The following CACNA1H variants were observed in gnomAD, a reference collection of about 807,000 sequenced individuals.
CACNA1H encodes voltage-dependent T-type calcium channel subunit alpha-1H.
In CACNA1H, 149 loss-of-function variants were observed where a neutral mutation model predicts 192.5. That is an observed-to-expected ratio of 0.77 (90% confidence interval 0.68 to 0.89). CACNA1H has a LOEUF of 0.89. Among genes scored for constraint, CACNA1H ranks in the 40% least tolerant of loss-of-function variants. CACNA1H has a pLI of 0.00. For synonymous variants in CACNA1H, 2,202 were observed against 1,475.2 expected (o/e 1.49, Z -11.29); for missense variants, 4,257 against 3,423.5 (o/e 1.24, Z -6.08).
chr16:1,156,395 CAGAG>C (rs1962392268), intron 2 of CACNA1H, among the ~76,000 whole-genome samples: 1 of 152,220 alleles, frequency 6.6e-6, no homozygotes, highest in Non-Finnish European at 1.5e-5. Flanking sequence ...GTCCTGGCGT[CAGAG>C]AGAACCTAAA....
intron 2 of CACNA1H, among the ~76,000 whole-genome samples, chr16:1,168,598 C>T (rs774283445): frequency 6.6e-6 from 1 of 152,016 alleles, no homozygotes; most frequent in African/African-American, 2.4e-5. Flanking sequence ...GGTTGATGAT[C>T]CAGTGTGTCT....
chr16:1,181,692 C>G (rs1043120120), intron 2 of CACNA1H, among the ~76,000 whole-genome samples: 1 of 152,202 alleles, frequency 6.6e-6, no homozygotes, highest in Non-Finnish European at 1.5e-5. Context: ...AGGGAGCTGT[C>G]CGCGTGTGCT....
chr16:1,203,275 G>A (rs1447678578), intron 9 of CACNA1H, among the ~76,000 whole-genome samples: 1 of 152,212 alleles, frequency 6.6e-6, no homozygotes, highest in African/African-American at 2.4e-5. Context: ...AGGACGGCTC[G>A]ATGGTCATTT....
chr16:1,209,256 C>A lies in CACNA1H; in HGVS notation c.3588C>A (p.Ala1196=), dbSNP rs763743430. Residue 1196 remains alanine (A), a synonymous_variant, in exon 17 of 35, where the codon GCC becomes GCA. Transcript: ENST00000348261. ...PGPRATPLRR[A]ESLDPRPLRP... is the part of the protein sequence containing the mutation. ...CCCGTGCCACCCCACTGCGGCGGGC[C>A]GAGTCCCTGGACCCACGGCCCCTGC... 3 of 1,546,432 alleles carry A rather than the reference C, an allele frequency of 1.9e-6. No homozygotes were observed. Among genetic ancestry groups the A allele is most frequent in the Non-Finnish European group, 1.7e-6 (2 of 1,149,248 alleles).
In CACNA1H at chr16:1,211,469, G is replaced by A. The variant is rs1306171461; in HGVS notation, c.4351-12G>A. ...GGCCAGGCCCTCCGCGGTGACCGTC[G>A]CACCCCGTCAGCTCTTCAAAGGGAA... On this transcript the variant is annotated splice_polypyrimidine_tract_variant and intron_variant, in intron 22 of 34. Transcript: ENST00000348261. 2.5e-6 allele frequency: 4 copies of A among 1,612,336 alleles called. No homozygotes were observed. Among genetic ancestry groups the A allele is most frequent in the Non-Finnish European group, 3.4e-6 (4 of 1,179,640 alleles).
At chr16:1,175,982 C>G (rs1484527426) in intron 2 of CACNA1H, among the ~76,000 whole-genome samples, 2 of 152,216 alleles carry the variant, frequency 1.3e-5, no homozygotes, top group Non-Finnish European at 2.9e-5. Context: ...GGCTGCCATG[C>G]TCCCAGGACA....
intron 2 of CACNA1H, among the ~76,000 whole-genome samples, chr16:1,187,274 G>A (rs1432716637): frequency 6.6e-6 from 1 of 152,244 alleles, no homozygotes; most frequent in Non-Finnish European, 1.5e-5. Context: ...CCTCAGCCTT[G>A]GCACCCTCTA....
At chr16:1,169,509 G>T (rs1228957263) in intron 2 of CACNA1H, among the ~76,000 whole-genome samples, 1 of 152,230 alleles carries the variant, frequency 6.6e-6, no homozygotes, top group Non-Finnish European at 1.5e-5. Context: ...CGGGCACAGC[G>T]CGTGTCTCGG....
At position 1,220,039 on chromosome 16, in the gene CACNA1H, A is replaced by T; in HGVS notation, c.6107A>T (p.Asp2036Val). The change falls in exon 35 of 35, where the codon GAT (aspartate) becomes GTT (valine). Residue 2036 changes from aspartate to valine, a missense_variant. By Grantham distance (152) the Asp-to-Val change is radical. Coordinates refer to ENST00000348261, the MANE Select transcript of CACNA1H (RefSeq NM_021098.3). ...GKIDSPRDTL[D>V]PAEPGEKTPV... The stretch of plus-strand genomic sequence containing the variant: ...ATTGACAGCCCTAGGGACACCCTGG[A>T]TCCTGCAGAGCCTGGTGAGAAAACC... The T allele has an allele frequency of 7.1e-7, 1 of 1,417,190 alleles. No homozygotes were observed. 87.8% of individuals were successfully genotyped at this position (1,417,190 alleles called of 1,614,324 possible).
At chr16:1,196,285 G>A (rs1966962165) in intron 5 of CACNA1H, among the ~76,000 whole-genome samples, 2 of 152,278 alleles carry the variant, frequency 1.3e-5, no homozygotes, top group East Asian at 1.9e-4. Context: ...AGTGACAGGG[G>A]CCACTCCGAA....
intron 3 of CACNA1H, 52 bp downstream of exon 3, chr16:1,195,135 A>G: frequency 2.2e-6 from 1 of 445,412 alleles, no homozygotes. Context: ...TACGAGGTTT[A>G]TGGTTCAAGG....
Position 1,213,806 on chromosome 16 carries a change from G to T in CACNA1H, c.4804G>T (p.Asp1602Tyr). 2 of 1,574,336 alleles carry T rather than the reference G, an allele frequency of 1.3e-6. No homozygotes were observed. The highest frequency in any genetic ancestry group is 1.7e-6 in the Non-Finnish European group (2 of 1,162,074). The change falls in exon 27 of 35, where the codon GAC becomes TAC. Residue 1602 changes from aspartate to tyrosine, a missense_variant. Transcript: ENST00000348261. ...GGCCCAGCGCCGGCCCTACTATGCC[G>T]ACTACTCGCCCACGCGCCGCTCCAT... ...PEAQRRPYYA[D>Y]YSPTRRSIHS...
At chr16:1,197,765 G>A (rs1967163025) in intron 5 of CACNA1H, among the ~76,000 whole-genome samples, 1 of 152,308 alleles carries the variant, frequency 6.6e-6, no homozygotes, top group East Asian at 1.9e-4. Flanking sequence ...TGGGTGCTGG[G>A]TGAGAACTCA....
In CACNA1H at chr16:1,162,487, C is replaced by T. The variant is rs144896494; in HGVS notation, c.299+8451C>T. Among the ~76,000 whole-genome samples, 448 of 152,332 alleles carry T rather than the reference C, an allele frequency of 2.9e-3. 2 individuals carry two copies. The highest frequency in any genetic ancestry group is 0.01 in the African/African-American group (418 of 41,578). Reference sequence around the variant, plus strand: ...GGTCGCCCACTGTTGTCAGGCTCCTCCGATGAGGAGCAGCCCCCAGAGAGA... The same window carrying T: ...GGTCGCCCACTGTTGTCAGGCTCCTTCGATGAGGAGCAGCCCCCAGAGAGA... On this transcript the variant is annotated intron_variant, in intron 2 of 34. Transcript: ENST00000348261.
chr16:1,219,225 AGGC>A, intron 34 of CACNA1H, 95 bp downstream of exon 34: 1 of 1,250,778 alleles, frequency 8.0e-7, no homozygotes, highest in Non-Finnish European at 1.1e-6. Flanking sequence ...GACGAGGACA[AGGC>A]AGGAGGAGGG....
intron 2 of CACNA1H, chr16:1,157,087 C>G (rs1962519879): frequency 6.6e-6 from 1 of 152,216 alleles, no homozygotes; most frequent in African/African-American, 2.4e-5. Context: ...GGGTTCCTGA[C>G]TCCGCGTTCG....
intron 2 of CACNA1H, among the ~76,000 whole-genome samples, chr16:1,163,101 G>C (rs927994655): frequency 2.0e-5 from 3 of 152,264 alleles, no homozygotes; most frequent in Non-Finnish European, 4.4e-5. Flanking sequence ...TTCTGGGCAG[G>C]TGAGGCAGCC....
rs975461691 is a variant in CACNA1H at position 1,167,330 on chromosome 16, G to A, written c.299+13294G>A. ...CCTTGGATTCCTGACACACGGGTGC[G>A]GGGGCGATATCGGCGCGGAGCGGGC... On this transcript the variant is annotated intron_variant, in intron 2 of 34. Coordinates refer to ENST00000348261, the MANE Select transcript of CACNA1H (RefSeq NM_021098.3). This position sits in a 1 kb window ranked among gnomAD's most constrained non-coding sequence, Gnocchi z 4.2. Among the ~76,000 whole-genome samples, 9 of 152,176 alleles carry A rather than the reference G, an allele frequency of 5.9e-5. No homozygotes were observed. The highest frequency in any genetic ancestry group is 1.0e-4 in the Non-Finnish European group (7 of 68,020).
At position 1,204,546 on chromosome 16, in the gene CACNA1H, C is replaced by T. The variant is rs367671434; in HGVS notation, c.2451+88C>T. 1.2e-5 allele frequency: 13 copies of T among 1,052,956 alleles called. No individual in the cohort carries two copies. In the East Asian group the frequency reaches 1.5e-4, roughly 12 times the overall value. 65.2% of individuals were successfully genotyped at this position (1,052,956 alleles called of 1,614,324 possible). A position where few individuals can be genotyped will look rare whatever the true frequency, so the allele number is the denominator to read the frequency against. ...AGGAGGCTTCCAGCAGCCCCGATGC[C>T]TGACCTGATGGTAGGACGGTCAGGC... On this transcript the variant is annotated intron_variant, in intron 10 of 34. Transcript: ENST00000348261.
Sources: allele counts gnomAD v4.1 joint callset (sites outside exome capture counted in the v4.1 genomes callset), GRCh38; gene constraint gnomAD v4.1.1; non-coding constraint Gnocchi (gnomAD v3.1); transcripts MANE v1.5; gene names NCBI Gene and HGNC (gene_info 2026-07-23, HGNC 2026-07-21).